Variants in MEIKIN observed in about 807,000 individuals in gnomAD.
MEIKIN encodes meiotic kinetochore factor, also known as meiosis-specific kinetochore protein.
chr5:131,901,157 T>A (rs1751149394), intron 8 of MEIKIN, among the ~76,000 whole-genome samples: 1 of 152,094 alleles, frequency 6.6e-6, no homozygotes, highest in Non-Finnish European at 1.5e-5. Context: ...GCAAGGCCAC[T>A]GCCACTCACA....
At chr5:131,941,757 T>C (rs1268394092) in intron 4 of MEIKIN, among the ~76,000 whole-genome samples, 2 of 152,210 alleles carry the variant, frequency 1.3e-5, no homozygotes, top group African/African-American at 2.4e-5. Flanking sequence ...TAACTTAATA[T>C]ACTAAAAACT....
At chr5:131,909,099 A>G (rs955144911) in intron 8 of MEIKIN, among the ~76,000 whole-genome samples, 1 of 152,190 alleles carries the variant, frequency 6.6e-6, no homozygotes, top group African/African-American at 2.4e-5. Context: ...CAAAAGATCC[A>G]GAATAGTCAA....
At chr5:131,921,329 T>C (rs1048047678) in intron 6 of MEIKIN, among the ~76,000 whole-genome samples, 2 of 152,056 alleles carry the variant, frequency 1.3e-5, no homozygotes, top group African/African-American at 2.4e-5. Flanking sequence ...CTGGGCAACA[T>C]AGCGAGACTC....
chr5:131,935,426 G>A (rs973181022), intron 4 of MEIKIN, among the ~76,000 whole-genome samples: 1 of 152,178 alleles, frequency 6.6e-6, no homozygotes, highest in Non-Finnish European at 1.5e-5. Context: ...TCCTATGGGA[G>A]TGGACTAGAA....
At chr5:131,858,864 A>C (rs909285882) in intron 9 of MEIKIN, among the ~76,000 whole-genome samples, 1 of 152,316 alleles carries the variant, frequency 6.6e-6, no homozygotes, top group African/African-American at 2.4e-5. Context: ...GCAAATCAAA[A>C]CCACAATGAA....
intron 11 of MEIKIN, among the ~76,000 whole-genome samples, chr5:131,847,854 T>TA (rs906305942): frequency 5.9e-5 from 9 of 151,500 alleles, no homozygotes; most frequent in Non-Finnish European, 1.0e-4. Context: ...ATGAAGTCAT[T>TA]AAAAAAAACC....
At chr5:131,924,391 C>A (rs1328365371) in intron 5 of MEIKIN, among the ~76,000 whole-genome samples, 1 of 152,140 alleles carries the variant, frequency 6.6e-6, no homozygotes, top group Non-Finnish European at 1.5e-5. Context: ...TTTAGAGACA[C>A]CTCCATACTG....
chr5:131,825,191 C>A (rs1404844659), intron 11 of MEIKIN, among the ~76,000 whole-genome samples: 5 of 152,030 alleles, frequency 3.3e-5, no homozygotes, highest in Admixed American at 2.6e-4. Flanking sequence ...CAGAGTGAGA[C>A]CCTGTCTTAA....
chr5:131,935,267 CAAAAAA>C (rs749135114), intron 4 of MEIKIN, among the ~76,000 whole-genome samples: 1 of 36,628 alleles, frequency 2.7e-5, no homozygotes, highest in Non-Finnish European at 5.7e-5. Context: ...CCCGTCTCTA[CAAAAAA>C]AAAAAAAAAA....
At position 131,809,819 on chromosome 5, in the gene MEIKIN, CA is replaced by C. The variant is rs5871436; in HGVS notation, c.1100-2562del. ...CTCAAAAAACAAGCAAACAAACGAA[CA>C]AAAAAAAAAAAACAAACAAAACCAA... On this transcript the variant is annotated intron_variant, in intron 12 of 12. Coordinates refer to ENST00000442687, the MANE Select transcript of MEIKIN (RefSeq NM_001303622.2). Among the ~76,000 whole-genome samples, 268 of 130,622 alleles carry C rather than the reference CA, an allele frequency of 2.1e-3. 3 individuals carry two copies. In the East Asian group the frequency reaches 0.026, roughly 12 times the overall value. The allele number at this position is 130,622 out of a possible 152,430, so 85.7% of individuals were successfully genotyped here.
At chr5:131,922,550 C>T (rs1053277794) in intron 5 of MEIKIN, among the ~76,000 whole-genome samples, 1 of 152,042 alleles carries the variant, frequency 6.6e-6, no homozygotes, top group Non-Finnish European at 1.5e-5. Flanking sequence ...ACTTCAGCAT[C>T]CACAGATTTT....
At chr5:131,879,159 C>G in intron 8 of MEIKIN, 111 bp from the exon 9 acceptor site, 1 of 392,320 alleles carries the variant, frequency 2.5e-6, no homozygotes, top group Non-Finnish European at 4.5e-6. Flanking sequence ...TTTGTAAAAC[C>G]CCTGATTTTA....
chr5:131,906,682 G>A (rs892528637), intron 8 of MEIKIN, among the ~76,000 whole-genome samples: 2 of 152,182 alleles, frequency 1.3e-5, no homozygotes, highest in African/African-American at 2.4e-5. Context: ...ATGCCATGCA[G>A]TCATACAAAA....
chr5:131,837,612 T>C (rs926590829), intron 11 of MEIKIN, among the ~76,000 whole-genome samples: 2 of 152,160 alleles, frequency 1.3e-5, no homozygotes, highest in Non-Finnish European at 2.9e-5. Context: ...TTATTCTTTT[T>C]CTGGCAATTC....
intron 9 of MEIKIN, among the ~76,000 whole-genome samples, chr5:131,859,960 G>T (rs1179426782): frequency 6.6e-6 from 1 of 152,150 alleles, no homozygotes; most frequent in Non-Finnish European, 1.5e-5. Context: ...GCACAGCCTT[G>T]TAATATATTT....
chr5:131,936,309 T>C (rs1751776256), intron 4 of MEIKIN, among the ~76,000 whole-genome samples: 1 of 152,244 alleles, frequency 6.6e-6, no homozygotes, highest in African/African-American at 2.4e-5. Flanking sequence ...ATCTCTTGTA[T>C]CATATCTCCC....
chr5:131,937,895 C>T (rs1453942126), intron 4 of MEIKIN, among the ~76,000 whole-genome samples: 1 of 151,896 alleles, frequency 6.6e-6, no homozygotes, highest in Admixed American at 6.6e-5. Flanking sequence ...GCACAGTTTG[C>T]ACCGTCCAAA....
At chr5:131,871,499 G>A (rs1019741619) in intron 9 of MEIKIN, among the ~76,000 whole-genome samples, 9 of 152,242 alleles carry the variant, frequency 5.9e-5, no homozygotes, top group Admixed American at 2.6e-4. Flanking sequence ...AAGCGGCTGG[G>A]AAGCTCGAAC....
At chr5:131,944,472 G>A (rs561022199) in intron 3 of MEIKIN, 193 bp downstream of exon 3, 2 of 384,056 alleles carry the variant, frequency 5.2e-6, no homozygotes, top group African/African-American at 2.1e-5. Context: ...AAACAAAAAT[G>A]CATGACTATG....
Sources: allele counts gnomAD v4.1 joint callset (sites outside exome capture counted in the v4.1 genomes callset), GRCh38; gene constraint gnomAD v4.1.1; transcripts MANE v1.5; gene names NCBI Gene and HGNC (gene_info 2026-07-23, HGNC 2026-07-21).